Variants in KLKB1 observed in about 807,000 individuals in gnomAD.
The protein encoded by KLKB1 is plasma kallikrein.
A neutral mutation model predicts 73.6 loss-of-function variants in KLKB1; 58 were observed. That is an observed-to-expected ratio of 0.79 (90% CI 0.64 to 0.98). The LOEUF (loss-of-function observed/expected upper bound fraction) is 0.98, where lower values mean the gene tolerates loss of function less well. Ranked by LOEUF, KLKB1 falls within the 50% of genes least tolerant of loss-of-function variation. The probability of loss-of-function intolerance (pLI) is 0.00; values close to 1 mark genes in which losing one functional copy is unlikely to be tolerated. For synonymous variants in KLKB1, 280 were observed against 258.1 expected, an observed-to-expected ratio of 1.08 and a Z score of -0.81; for missense variants, 737 against 763.8, an observed-to-expected ratio of 0.96 and a Z score of 0.41.
At chr4:186,232,423 G>A in intron 3 of KLKB1, 134 bp downstream of exon 3, 2 of 812,068 alleles carry the variant, frequency 2.5e-6, no homozygotes, top group Non-Finnish European at 4.1e-6. Context: ...ATCCCGTCAA[G>A]TGGTTCTTAC....
At chr4:186,230,186 C>T (rs779095663) in intron 2 of KLKB1, among the ~76,000 whole-genome samples, 1 of 152,164 alleles carries the variant, frequency 6.6e-6, no homozygotes, top group South Asian at 2.1e-4. Context: ...CCACTTTGTA[C>T]TAGGTTTTCC....
At chr4:186,231,503 A>G (rs1737397681) in intron 2 of KLKB1, among the ~76,000 whole-genome samples, 1 of 152,264 alleles carries the variant, frequency 6.6e-6, no homozygotes, top group Non-Finnish European at 1.5e-5. Context: ...TGAGTAAAAA[A>G]TACTGTCAGT....
intron 5 of KLKB1, 68 bp downstream of exon 5, chr4:186,237,008 C>T (rs1409039027): frequency 1.3e-6 from 2 of 1,532,116 alleles, no homozygotes; most frequent in Non-Finnish European, 1.8e-6. Flanking sequence ...TTCTTCTTAA[C>T]CTCTTTTGTT....
In KLKB1 at chr4:186,258,370, C is replaced by T; in HGVS notation, c.*158C>T. The T allele has an allele frequency of 1.4e-6, 1 of 730,726 alleles. No individual in the cohort carries two copies. The highest frequency in any genetic ancestry group is 3.7e-4 in the Middle Eastern group (1 of 2,688). The allele number at this position is 730,726 out of a possible 1,614,324, so 45.3% of individuals were successfully genotyped here. On this transcript the variant is annotated 3_prime_UTR_variant, in exon 15 of 15. Coordinates refer to ENST00000264690, the MANE Select transcript of KLKB1 (RefSeq NM_000892.5). ...CAGAGCTGCTGAGGACAATGTCTGG[C>T]TGAAGCCCGCTTTCAGCACGCCGTA...
At chr4:186,256,202 CCTAT>C (rs1195878836) in intron 13 of KLKB1, 115 bp downstream of exon 13, 6 of 726,872 alleles carry the variant, frequency 8.3e-6, no homozygotes, top group Middle Eastern at 2.3e-4. Context: ...CTTTATCTTT[CCTAT>C]CTATTTATTC....
At chr4:186,227,774 T>G (rs1019666857) in intron 1 of KLKB1, among the ~76,000 whole-genome samples, 187 bp downstream of exon 1, 1 of 152,242 alleles carries the variant, frequency 6.6e-6, no homozygotes, top group Non-Finnish European at 1.5e-5. Context: ...AATATTTGAT[T>G]GATTTAAAAT....
At chr4:186,230,823 C>G (rs539630456) in intron 2 of KLKB1, among the ~76,000 whole-genome samples, 1 of 152,202 alleles carries the variant, frequency 6.6e-6, no homozygotes, top group African/African-American at 2.4e-5. Flanking sequence ...ATGAGTCAGT[C>G]AAAACCACCA....
upstream of KLKB1, among the ~76,000 whole-genome samples, chr4:186,224,762 T>C (rs1276318449): frequency 6.6e-6 from 1 of 152,184 alleles, no homozygotes; most frequent in Non-Finnish European, 1.5e-5. Context: ...TGGGGGACTG[T>C]TGGAAAGACA....
chr4:186,239,784 T>C (rs1222386609), intron 6 of KLKB1, among the ~76,000 whole-genome samples: 1 of 142,506 alleles, frequency 7.0e-6, no homozygotes, highest in African/African-American at 2.6e-5. Context: ...TACAGTGATA[T>C]AGGACAGTGA....
chr4:186,215,391 T>G (rs1053471981), intron 2 of KLKB1, among the ~76,000 whole-genome samples: 1 of 146,916 alleles, frequency 6.8e-6, no homozygotes, highest in African/African-American at 2.5e-5. Context: ...TTTCCTTGCT[T>G]TCTTCTTTCT....
At position 186,244,808 on chromosome 4, in the gene KLKB1, T is replaced by C. The variant is rs577795433; in HGVS notation, c.599-5435T>C. On this transcript the variant is annotated intron_variant, in intron 6 of 14. Transcript: ENST00000264690. ...CTTCAAAAGGCCACGCTGTAACAGG[T>C]GAGTGATAACAGGCTTTAATCCTTT... is the stretch of plus-strand genomic sequence containing the variant. Among the ~76,000 whole-genome samples, 8 of 152,148 alleles carry C rather than the reference T, an allele frequency of 5.3e-5. No individual in the cohort carries two copies. In the South Asian group the frequency reaches 1.0e-3, roughly 20 times the overall value.
At chr4:186,213,150 A>G (rs889261647) in intron 2 of KLKB1, 1 of 152,180 alleles carries the variant, frequency 6.6e-6, no homozygotes, top group Non-Finnish European at 1.5e-5. Context: ...CTCCAGAATT[A>G]TTGTTACTCA....
In KLKB1 at chr4:186,232,122, C is replaced by T. The variant is rs775456108; in HGVS notation, c.59-5C>T. The stretch of plus-strand genomic sequence containing the variant: ...CGCAAATTAATTTTTATGGTTCTGT[C>T]ACAGGATGTCTGACTCAACTCTATG... On this transcript the variant is annotated splice_region_variant and splice_polypyrimidine_tract_variant and intron_variant, in intron 2 of 14. Transcript: ENST00000264690. 1 of 1,600,304 alleles carries T rather than the reference C, an allele frequency of 6.2e-7. No homozygotes were observed. The highest frequency in any genetic ancestry group is 1.1e-5 in the South Asian group (1 of 88,386).
chr4:186,236,760 C>G (rs1296589856), intron 4 of KLKB1, 21 bp from the exon 5 acceptor site: 12 of 1,612,530 alleles, frequency 7.4e-6, no homozygotes, highest in African/African-American at 2.7e-5. Flanking sequence ...TGTATTTGCT[C>G]TATGTATTTT....
intron 2 of KLKB1, among the ~76,000 whole-genome samples, chr4:186,217,111 A>T (rs1736923538): frequency 6.6e-6 from 1 of 152,300 alleles, no homozygotes; most frequent in Admixed American, 6.5e-5. Flanking sequence ...GAATCTACAG[A>T]GGTTTTTTTA....
intron 5 of KLKB1, among the ~76,000 whole-genome samples, chr4:186,237,394 G>A (rs1260834132): frequency 2.0e-5 from 3 of 152,170 alleles, no homozygotes; most frequent in Non-Finnish European, 4.4e-5. Flanking sequence ...ACTGCGCCTC[G>A]CCCTTCATTT....
chr4:186,231,788 A>G (rs1296677001), intron 2 of KLKB1, among the ~76,000 whole-genome samples: 1 of 152,210 alleles, frequency 6.6e-6, no homozygotes, highest in Non-Finnish European at 1.5e-5. Flanking sequence ...AATAGAGCAA[A>G]TATTATTCTT....
chr4:186,257,319 G>A lies in KLKB1; in HGVS notation c.1679G>A (p.Arg560Gln), dbSNP rs4253325. 202,832 of 1,601,918 alleles carry A rather than the reference G, an allele frequency of 0.13. 15,590 individuals are homozygous for A. The highest frequency in any genetic ancestry group is 0.29 in the East Asian group (13,017 of 44,304). ...TATCAAGATTATAAAATAACCCAACGGATGGTCTGTGCTGGCTATAAAGAA... is the reference window on the plus strand; with the variant it reads ...TATCAAGATTATAAAATAACCCAACAGATGGTCTGTGCTGGCTATAAAGAA... The part of the protein sequence containing the change: ...KRYQDYKITQ[R>Q]MVCAGYKEGG... The change falls in exon 14 of 15, where the codon CGG becomes CAG. Residue 560 changes from arginine (R) to glutamine (Q), a missense_variant. Arg to Gln is a conservative substitution (Grantham distance 43, BLOSUM62 1). Coordinates refer to ENST00000264690, the MANE Select transcript of KLKB1 (RefSeq NM_000892.5).
At position 186,251,291 on chromosome 4, in the gene KLKB1, T is replaced by C. The variant is rs1738659896; in HGVS notation, c.831T>C (p.Ser277=). The change falls in exon 8 of 15, where the codon TCT becomes TCC. Residue 277 remains serine (S), a synonymous_variant. Transcript: ENST00000264690. The part of the protein sequence containing the change: ...SSSTPQENTI[S]GYSLLTCKRT... ...CTACTCCTCAAGAAAACACCATATC[T>C]GGATATAGCCTTTTAACCTGCAAAA... is the stretch of plus-strand genomic sequence containing the variant. 2 of 1,611,500 alleles carry C rather than the reference T, an allele frequency of 1.2e-6. No individual in the cohort carries two copies. Among genetic ancestry groups the C allele is most frequent in the Non-Finnish European group, 1.7e-6 (2 of 1,177,750 alleles).
Sources: gnomAD v4.1 joint callset for allele counts (sites outside exome capture counted in the v4.1 genomes callset) on GRCh38, gnomAD v4.1.1 for gene constraint, MANE v1.5 for transcripts, NCBI Gene and HGNC (gene_info 2026-07-23, HGNC 2026-07-21) for gene names.